Variants in PRUNE2 observed in about 807,000 individuals in gnomAD.
PRUNE2 encodes protein prune homolog 2.
A neutral mutation model predicts 252.0 loss-of-function variants in PRUNE2; 164 were observed. The observed-to-expected ratio is 0.65, with a 90% CI of 0.57 to 0.74. The LOEUF is 0.74. Ranked by LOEUF, PRUNE2 falls within the 30% of genes least tolerant of loss-of-function variation. PRUNE2 has a pLI of 0.00. For synonymous variants in PRUNE2, 1,292 were observed against 1,350.2 expected (o/e 0.96, Z 0.94); for missense variants, 3,495 against 3,711.0 (o/e 0.94, Z 1.51).
chr9:76,782,000 G>A (rs2054463223), intron 6 of PRUNE2, among the ~76,000 whole-genome samples: 1 of 151,960 alleles, frequency 6.6e-6, no homozygotes, highest in Admixed American at 6.5e-5. Flanking sequence ...GGATCATGAG[G>A]TCAGGAGATT....
chr9:76,836,857 C>T (rs1318843461), intron 4 of PRUNE2, among the ~76,000 whole-genome samples: 1 of 152,144 alleles, frequency 6.6e-6, no homozygotes, highest in Admixed American at 6.5e-5. Flanking sequence ...TAGAAAAACA[C>T]AAGCACGTTA....
intron 6 of PRUNE2, among the ~76,000 whole-genome samples, chr9:76,742,953 C>T (rs2049776274): frequency 6.6e-6 from 1 of 152,176 alleles, no homozygotes; most frequent in African/African-American, 2.4e-5. Context: ...CCCATAATCC[C>T]CACATGTCGT....
At chr9:76,897,438 C>A (rs1271018317) in intron 1 of PRUNE2, among the ~76,000 whole-genome samples, 1 of 106,734 alleles carries the variant, frequency 9.4e-6, no homozygotes, top group East Asian at 3.3e-4. Context: ...GAGATGGAGT[C>A]TCGCTCTGTC....
chr9:76,819,386 G>A (rs1049378365), intron 6 of PRUNE2: 4 of 152,250 alleles, frequency 2.6e-5, no homozygotes, highest in Non-Finnish European at 4.4e-5. Context: ...CAGAGATCCA[G>A]GTGATGCTTC....
chr9:76,718,901 G>A (rs7850310), intron 6 of PRUNE2, among the ~76,000 whole-genome samples: 5,572 of 152,150 alleles, frequency 0.037, 311 homozygotes, highest in African/African-American at 0.12. Flanking sequence ...AATTATCCTT[G>A]ATTGTTTTTT....
At chr9:76,669,749 T>C (rs2040946860) in intron 9 of PRUNE2, among the ~76,000 whole-genome samples, 1 of 152,216 alleles carries the variant, frequency 6.6e-6, no homozygotes, top group Non-Finnish European at 1.5e-5. Context: ...CCCAGGACTC[T>C]TCTGGGGCAA....
chr9:76,625,068 TAAA>T, intron 16 of PRUNE2: 1 of 1,301,996 alleles, frequency 7.7e-7, no homozygotes, highest in Non-Finnish European at 1.0e-6. Flanking sequence ...CCTTACAAGA[TAAA>T]AAACGAGTGC....
chr9:76,821,338 T>C (rs1327890161), intron 6 of PRUNE2, among the ~76,000 whole-genome samples: 2 of 152,200 alleles, frequency 1.3e-5, no homozygotes, highest in African/African-American at 2.4e-5. Context: ...ATTCTGTCAA[T>C]ATTTTTTAAA....
rs2131725953 is a variant in PRUNE2 at position 76,611,591 on chromosome 9, C to G, written c.*2979G>C. On this transcript the variant is annotated 3_prime_UTR_variant, in exon 19 of 19. Transcript: ENST00000376718. ...GCACATCTAAATGTTTCTAAGGGAA[C>G]AAACTACTGAGGCATTGTGATAAGA... The G allele has an allele frequency of 6.6e-6, 1 of 152,608 alleles. No individual in the cohort carries two copies. The highest frequency in any genetic ancestry group is 1.9e-4 in the East Asian group (1 of 5,192). The allele number at this position is 152,608 out of a possible 1,614,324, so 9.5% of individuals were successfully genotyped here. A position where few individuals can be genotyped will look rare whatever the true frequency, so the allele number is the denominator to read the frequency against.
chr9:76,844,864 T>A (rs1322754484), intron 4 of PRUNE2, among the ~76,000 whole-genome samples: 1 of 151,856 alleles, frequency 6.6e-6, no homozygotes, highest in Non-Finnish European at 1.5e-5. Context: ...ACATCTGATG[T>A]TAAGAAAAGC....
chr9:76,744,238 G>T (rs781252279), intron 6 of PRUNE2, among the ~76,000 whole-genome samples: 2 of 152,194 alleles, frequency 1.3e-5, no homozygotes, highest in Non-Finnish European at 2.9e-5. Context: ...ACTCTTGTAA[G>T]ATTTAAATTA....
chr9:76,732,267 A>T (rs889771887), intron 6 of PRUNE2, among the ~76,000 whole-genome samples: 3 of 152,252 alleles, frequency 2.0e-5, no homozygotes, highest in African/African-American at 7.2e-5. Flanking sequence ...AGATAGTGCC[A>T]CTGCACTCCA....
Position 76,649,502 on chromosome 9 carries a change from C to T in PRUNE2, c.8557+2981G>A, listed in dbSNP as rs116492208. Among the ~76,000 whole-genome samples, 479 of 152,200 alleles carry T rather than the reference C, an allele frequency of 3.1e-3. 4 individuals are homozygous for T. Among genetic ancestry groups the T allele is most frequent in the African/African-American group, 0.011 (453 of 41,532 alleles). On this transcript the variant is annotated intron_variant, in intron 11 of 18. Transcript: ENST00000376718. ...TCAGGAGGCTAAGGTAGGAGGGTCA[C>T]CTGAGCCTGGGTGGTCGAGGTGGCA...
At chr9:76,773,276 T>C (rs935554005) in intron 6 of PRUNE2, among the ~76,000 whole-genome samples, 1 of 152,134 alleles carries the variant, frequency 6.6e-6, no homozygotes, top group Non-Finnish European at 1.5e-5. Flanking sequence ...TCCAAATCCT[T>C]TTCATTGAAG....
chr9:76,853,504 AG>A (rs1360507668), intron 2 of PRUNE2, among the ~76,000 whole-genome samples: 3 of 152,250 alleles, frequency 2.0e-5, no homozygotes, highest in African/African-American at 7.2e-5. Context: ...CCACTTCCAC[AG>A]GGGCATCATA....
At chr9:76,837,117 G>A (rs2059028091) in intron 4 of PRUNE2, among the ~76,000 whole-genome samples, 2 of 149,920 alleles carry the variant, frequency 1.3e-5, no homozygotes, top group Admixed American at 6.6e-5. Flanking sequence ...CAGAAAATGA[G>A]GTTGCTAGAC....
intron 1 of PRUNE2, 133 bp downstream of exon 1, chr9:76,905,795 G>C: frequency 1.7e-6 from 2 of 1,159,712 alleles, no homozygotes; most frequent in South Asian, 2.5e-5. Flanking sequence ...TTTCTTCCAG[G>C]AGACAACCCG....
intron 1 of PRUNE2, among the ~76,000 whole-genome samples, chr9:76,858,876 G>A (rs193039320): frequency 6.6e-6 from 1 of 152,270 alleles, no homozygotes; most frequent in Admixed American, 6.5e-5. Context: ...CCAAGGCCCT[G>A]AGGTGAGAGC....
At chr9:76,752,768 G>A (rs536295866) in intron 6 of PRUNE2, among the ~76,000 whole-genome samples, 66 of 152,270 alleles carry the variant, frequency 4.3e-4, no homozygotes, top group Middle Eastern at 3.4e-3. Flanking sequence ...CTGGGGTGCA[G>A]AGAAGTTAAG....
Sources: gnomAD v4.1 joint callset for allele counts (sites outside exome capture counted in the v4.1 genomes callset) on GRCh38, gnomAD v4.1.1 for gene constraint, MANE v1.5 for transcripts, NCBI Gene and HGNC (gene_info 2026-07-23, HGNC 2026-07-21) for gene names.